WFS1: variants seen among roughly 807,000 people sequenced by gnomAD.
WFS1 encodes the protein wolframin ER transmembrane glycoprotein.
WFS1 carries 90 observed loss-of-function variants against 68.5 expected under a neutral mutation model. That is an observed-to-expected ratio of 1.31 (90% CI 1.11 to 1.56). The LOEUF (loss-of-function observed/expected upper bound fraction) is 1.56, where lower values mean the gene tolerates loss of function less well. Among genes scored for constraint, WFS1 ranks in the 40% most tolerant of loss-of-function variants. The probability of loss-of-function intolerance (pLI) is 0.00; values close to 1 mark genes in which losing one functional copy is unlikely to be tolerated. For missense variants in WFS1, 1,767 were observed against 1,232.6 expected, an observed-to-expected ratio of 1.43 and a Z score of -6.49; for synonymous variants, 860 against 540.7, an observed-to-expected ratio of 1.59 and a Z score of -8.19.
intron 6 of WFS1, among the ~76,000 whole-genome samples, chr4:6,294,088 C>G (rs1384412082): frequency 6.6e-6 from 1 of 152,212 alleles, no homozygotes; most frequent in African/African-American, 2.4e-5. Flanking sequence ...GGTCTGTCAG[C>G]GCCCACTATC....
chr4:6,301,937 C>A lies in WFS1; in HGVS notation c.2142C>A (p.Asn714Lys). ...FKYVRVTDID[N>K]SAESAINMLP... The stretch of plus-strand genomic sequence containing the variant: ...ACGTCCGCGTGACTGACATCGACAA[C>A]AGCGCCGAGTCTGCCATCAACATGC... The change falls in exon 8 of 8, where the codon AAC (asparagine) becomes AAA (lysine). Residue 714 changes from asparagine to lysine, a missense_variant. By Grantham distance (94) the Asn-to-Lys change is moderately conservative (BLOSUM62 0). Coordinates refer to ENST00000226760, the MANE Select transcript of WFS1 (RefSeq NM_006005.3). 1 of 1,612,918 alleles carries A rather than the reference C, an allele frequency of 6.2e-7. No individual in the cohort carries two copies. Among genetic ancestry groups the A allele is most frequent in the Non-Finnish European group, 8.5e-7 (1 of 1,179,966 alleles).
At chr4:6,274,715 A>C (rs1729943311) in intron 1 of WFS1, among the ~76,000 whole-genome samples, 1 of 152,106 alleles carries the variant, frequency 6.6e-6, no homozygotes, top group Admixed American at 6.5e-5. Context: ...GTAAGAAGGC[A>C]TTCCGGGAAG....
chr4:6,294,022 C>T (rs984633397), intron 6 of WFS1, among the ~76,000 whole-genome samples: 59 of 152,156 alleles, frequency 3.9e-4, no homozygotes, highest in Non-Finnish European at 7.5e-4. Flanking sequence ...GCTGCAGCTA[C>T]ACCTGGGTGC....
At chr4:6,278,914 G>A (rs1730074399) in intron 2 of WFS1, among the ~76,000 whole-genome samples, 1 of 152,264 alleles carries the variant, frequency 6.6e-6, no homozygotes, top group Non-Finnish European at 1.5e-5. Flanking sequence ...TCTGGGTAAT[G>A]AGAACAGCCC....
chr4:6,277,922 C>T (rs988149532), intron 2 of WFS1, among the ~76,000 whole-genome samples: 1 of 152,266 alleles, frequency 6.6e-6, no homozygotes, highest in Admixed American at 6.5e-5. Flanking sequence ...CACTCCTCTG[C>T]AGTCCTTCTC....
chr4:6,301,421 G>A lies in WFS1; in HGVS notation c.1626G>A (p.Glu542=), dbSNP rs1448121290. Residue 542 remains glutamate, a synonymous_variant, in exon 8 of 8, where the codon GAG becomes GAA. Transcript: ENST00000226760. ...ACCTGGTGTGCTTCATGTGGTGTGA[G>A]CTCTCCGTGGTCATCCTGCTGGAGT... The part of the protein sequence containing the change: ...VPYLVCFMWC[E]LSVVILLEST... The A allele has an allele frequency of 1.9e-6, 3 of 1,612,396 alleles. No individual in the cohort carries two copies. The highest frequency in any genetic ancestry group is 2.5e-6 in the Non-Finnish European group (3 of 1,180,040).
At chr4:6,278,658 G>A (rs1033083000) in intron 2 of WFS1, among the ~76,000 whole-genome samples, 41 of 152,222 alleles carry the variant, frequency 2.7e-4, no homozygotes, top group Non-Finnish European at 1.5e-5. Flanking sequence ...CACTGGCAGG[G>A]CCGTGGGGCC....
At chr4:6,279,982 G>C (rs1730110503) in intron 2 of WFS1, among the ~76,000 whole-genome samples, 1 of 152,236 alleles carries the variant, frequency 6.6e-6, no homozygotes, top group African/African-American at 2.4e-5. Flanking sequence ...TTCCCATCCT[G>C]GCTCTGTGGC....
chr4:6,279,519 C>T (rs1363705049), intron 2 of WFS1, among the ~76,000 whole-genome samples: 3 of 152,174 alleles, frequency 2.0e-5, no homozygotes, highest in African/African-American at 7.2e-5. Flanking sequence ...CATCTGCGCC[C>T]AGGGATCCCC....
intron 2 of WFS1, among the ~76,000 whole-genome samples, chr4:6,285,104 C>T (rs182881351): frequency 2.1e-3 from 325 of 151,796 alleles, no homozygotes; most frequent in Middle Eastern, 0.014. Context: ...CTCTGAGCAG[C>T]GTCCTTGAGG....
At chr4:6,298,564 G>A (rs578186422) in intron 7 of WFS1, among the ~76,000 whole-genome samples, 13 of 152,096 alleles carry the variant, frequency 8.5e-5, no homozygotes, top group African/African-American at 1.2e-4. Flanking sequence ...ACGTGTAGAC[G>A]TGCATGCACA....
In WFS1 at chr4:6,302,064, C is replaced by A. The variant is rs745380471; in HGVS notation, c.2269C>A (p.Leu757Ile). The change falls in exon 8 of 8, where the codon CTT (leucine) becomes ATT (isoleucine). Residue 757 changes from leucine (L) to isoleucine (I), a missense_variant. Physicochemically the swap from Leu to Ile is conservative, Grantham distance 5. Transcript: ENST00000226760. ...TSTAEEELCR[L>I]KLLAKHPCHI... is the part of the protein sequence containing the mutation. ...CACGGCCGAGGAGGAGCTCTGTCGC[C>A]TTAAGCTGCTGGCCAAGCACCCCTG... The A allele has an allele frequency of 6.2e-7, 1 of 1,612,918 alleles. No individual in the cohort carries two copies. Among genetic ancestry groups the A allele is most frequent in the Non-Finnish European group, 8.5e-7 (1 of 1,180,032 alleles).
At chr4:6,278,764 T>G (rs1415831210) in intron 2 of WFS1, among the ~76,000 whole-genome samples, 3 of 152,166 alleles carry the variant, frequency 2.0e-5, no homozygotes, top group African/African-American at 7.2e-5. Context: ...CTGTTTGTCT[T>G]TGCATCTCCT....
rs140427062 is a variant in WFS1 at position 6,301,997 on chromosome 4, C to T, written c.2202C>T (p.Leu734=). The change falls in exon 8 of 8, where the codon CTC becomes CTT. Residue 734 remains leucine (L), a synonymous_variant. Transcript: ENST00000226760. ...TCATCGGCGACTGGATGCGCTGCCT[C>T]TACGGCGAGGCCTACCCTGCCTGCA... The part of the protein sequence containing the change: ...PFFIGDWMRC[L]YGEAYPACSP... The T allele has an allele frequency of 1.2e-4, 194 of 1,612,698 alleles. 2 individuals are homozygous for T. In the African/African-American group the frequency reaches 1.3e-3, roughly 11 times the overall value.
chr4:6,291,672 C>G (rs554544517), intron 5 of WFS1, among the ~76,000 whole-genome samples: 18 of 152,204 alleles, frequency 1.2e-4, no homozygotes, highest in African/African-American at 4.3e-4. Context: ...CCACGTCTAC[C>G]AATGGGACGG....
At chr4:6,299,890 G>A (rs1730805290) in intron 7 of WFS1, among the ~76,000 whole-genome samples, 2 of 103,754 alleles carry the variant, frequency 1.9e-5, no homozygotes, top group Admixed American at 9.0e-5. Context: ...ATGTGTGTGT[G>A]TAGGGGTGGG....
intron 2 of WFS1, 108 bp downstream of exon 2, chr4:6,277,795 C>A: frequency 8.2e-7 from 1 of 1,216,008 alleles, no homozygotes; most frequent in Non-Finnish European, 1.2e-6. Context: ...CTCTGCAGTT[C>A]AGCATTGTGC....
rs573701189 is a variant in WFS1 at position 6,300,939 on chromosome 4, C to T, written c.1144C>T (p.Leu382=). Residue 382 remains leucine (L), a synonymous_variant, in exon 8 of 8, where the codon CTG becomes TTG. Coordinates refer to ENST00000226760, the MANE Select transcript of WFS1 (RefSeq NM_006005.3). Reference sequence around the variant, plus strand: ...CTTCCGCACCCTCACCGACCTGCTGCTGCGCTTCGAGCCCAACCTGGATGT... The same window carrying T: ...CTTCCGCACCCTCACCGACCTGCTGTTGCGCTTCGAGCCCAACCTGGATGT... The part of the protein sequence containing the change: ...ENFRTLTDLL[L]RFEPNLDVEQ... The T allele has an allele frequency of 3.1e-6, 5 of 1,614,226 alleles. No homozygotes were observed. The Admixed American group carries it at 5.0e-5, about 16-fold the overall frequency.
At chr4:6,294,946 G>T (rs1578600784) in intron 6 of WFS1, 95 bp from the exon 7 acceptor site, 5 of 1,596,414 alleles carry the variant, frequency 3.1e-6, no homozygotes, top group Non-Finnish European at 8.5e-7. Context: ...TTCTTAGCTT[G>T]GCCCCACGCC....
Sources: allele counts gnomAD v4.1 joint callset (sites outside exome capture counted in the v4.1 genomes callset), GRCh38; gene constraint gnomAD v4.1.1; transcripts MANE v1.5; gene names NCBI Gene and HGNC (gene_info 2026-07-23, HGNC 2026-07-21).